Variants in HS6ST3 observed in about 807,000 individuals in gnomAD.
The protein encoded by HS6ST3 is heparan sulfate 6-O-sulfotransferase 3, also known as heparan-sulfate 6-O-sulfotransferase 3.
A neutral mutation model predicts 36.7 loss-of-function variants in HS6ST3; 12 were observed. The observed-to-expected ratio is 0.33, with a 90% CI of 0.21 to 0.53. The LOEUF is 0.53. HS6ST3 is among the 20% of genes least tolerant of loss of function. The probability of loss-of-function intolerance (pLI) is 0.95; values close to 1 mark genes in which losing one functional copy is unlikely to be tolerated. For missense variants in HS6ST3, 584 were observed against 640.9 expected (o/e 0.91, Z 0.96); for synonymous variants, 240 against 257.5 (o/e 0.93, Z 0.65).
chr13:96,766,068 G>A (rs1452570402), intron 1 of HS6ST3, among the ~76,000 whole-genome samples: 2 of 152,080 alleles, frequency 1.3e-5, no homozygotes, highest in East Asian at 3.9e-4. Context: ...CCCTTTTGTA[G>A]CCCTGGGTTG....
chr13:96,175,842 T>A (rs2054210420), intron 1 of HS6ST3, among the ~76,000 whole-genome samples: 1 of 152,082 alleles, frequency 6.6e-6, no homozygotes, highest in South Asian at 2.1e-4. Context: ...TTTCTTTTTT[T>A]TTTTCTTTTT....
At chr13:96,367,835 T>A (rs1478028803) in intron 1 of HS6ST3, among the ~76,000 whole-genome samples, 1 of 152,186 alleles carries the variant, frequency 6.6e-6, no homozygotes, top group Non-Finnish European at 1.5e-5. Context: ...CCTAATCTAT[T>A]TGCCAGCTGC....
intron 1 of HS6ST3, among the ~76,000 whole-genome samples, chr13:96,551,264 T>G (rs2056218418): frequency 6.6e-6 from 1 of 152,204 alleles, no homozygotes; most frequent in Admixed American, 6.6e-5. Flanking sequence ...AATAAAATGT[T>G]ACCTTTGAAA....
At chr13:96,812,013 TC>T (rs921617459) in intron 1 of HS6ST3, among the ~76,000 whole-genome samples, 53 of 152,260 alleles carry the variant, frequency 3.5e-4, no homozygotes, top group Middle Eastern at 6.8e-3. Flanking sequence ...GATGTATTCT[TC>T]ACTACACTTT....
chr13:96,702,648 T>C (rs1422126593), intron 1 of HS6ST3, among the ~76,000 whole-genome samples: 1 of 152,224 alleles, frequency 6.6e-6, no homozygotes, highest in Non-Finnish European at 1.5e-5. Flanking sequence ...AGTGAATTGC[T>C]TGCAGGTACA....
intron 1 of HS6ST3, among the ~76,000 whole-genome samples, chr13:96,329,357 G>A (rs111523496): frequency 0.012 from 1,474 of 126,764 alleles, 45 homozygotes; most frequent in African/African-American, 0.044. Flanking sequence ...CTTTGAATGC[G>A]TCCCAGAGAT....
chr13:96,758,377 G>A (rs1046237817), intron 1 of HS6ST3, among the ~76,000 whole-genome samples: 1 of 151,750 alleles, frequency 6.6e-6, no homozygotes, highest in African/African-American at 2.4e-5. Flanking sequence ...CCAAATTTTA[G>A]CTTACTTAAT....
chr13:96,664,953 C>G (rs145462365), intron 1 of HS6ST3, among the ~76,000 whole-genome samples: 19 of 152,238 alleles, frequency 1.2e-4, no homozygotes, highest in African/African-American at 4.6e-4. Flanking sequence ...AGGAGGATTG[C>G]TTGAGTTCAA....
intron 1 of HS6ST3, among the ~76,000 whole-genome samples, chr13:96,101,996 A>G (rs533312436): frequency 6.6e-6 from 1 of 152,312 alleles, no homozygotes; most frequent in African/African-American, 2.4e-5. Context: ...TCTGCTGGCT[A>G]TGAAAGTTAT....
At chr13:96,760,600 A>T (rs1876945829) in intron 1 of HS6ST3, among the ~76,000 whole-genome samples, 1 of 152,152 alleles carries the variant, frequency 6.6e-6, no homozygotes, top group African/African-American at 2.4e-5. Context: ...AATTTTATTC[A>T]CTGTAGTACC....
chr13:96,304,711 C>CTTTCTTTCTTTCTTTTTTT (rs766397124), intron 1 of HS6ST3, among the ~76,000 whole-genome samples: 3 of 89,338 alleles, frequency 3.4e-5, no homozygotes, highest in Admixed American at 1.2e-4. Flanking sequence ...TTCTTTCTTT[C>CTTTCTTTCTTTCTTTTTTT]TTTTTTTTTT....
chr13:96,330,544 A>G (rs1169101149), intron 1 of HS6ST3, among the ~76,000 whole-genome samples: 1 of 152,152 alleles, frequency 6.6e-6, no homozygotes, highest in African/African-American at 2.4e-5. Flanking sequence ...GTTTCTGCTG[A>G]GAGATCTGCT....
chr13:96,689,658 AT>A (rs1458437535), intron 1 of HS6ST3, among the ~76,000 whole-genome samples: 1 of 142,880 alleles, frequency 7.0e-6, no homozygotes, highest in Non-Finnish European at 1.5e-5. Flanking sequence ...GAAAATAAGA[AT>A]ACCTGCTTTA....
intron 1 of HS6ST3, among the ~76,000 whole-genome samples, chr13:96,454,475 A>G (rs75508926): frequency 2.4e-4 from 37 of 152,286 alleles, no homozygotes; most frequent in East Asian, 1.7e-3. Flanking sequence ...TTTATCTCCA[A>G]TTACCATGCG....
At chr13:96,366,607 T>C (rs893109682) in intron 1 of HS6ST3, among the ~76,000 whole-genome samples, 5 of 152,094 alleles carry the variant, frequency 3.3e-5, no homozygotes, top group African/African-American at 4.8e-5. Context: ...AGGGTGTTTC[T>C]AAAAATCCCC....
intron 1 of HS6ST3, among the ~76,000 whole-genome samples, chr13:96,796,722 G>A (rs958096587): frequency 1.3e-5 from 2 of 152,064 alleles, no homozygotes; most frequent in African/African-American, 4.8e-5. Context: ...TAGGGTACGT[G>A]AAAGTACCAA....
intron 1 of HS6ST3, among the ~76,000 whole-genome samples, chr13:96,355,398 C>CAT (rs1435227310): frequency 2.8e-5 from 3 of 107,806 alleles, no homozygotes; most frequent in African/African-American, 1.2e-4. Context: ...CACACACACA[C>CAT]ACACAAACAC....
At chr13:96,491,472 C>CCAAA (rs11408188) in intron 1 of HS6ST3, among the ~76,000 whole-genome samples, 2 of 123,724 alleles carry the variant, frequency 1.6e-5, no homozygotes. Context: ...TACTAATGTG[C>CCAAA]AAAAAAAAAA....
At chr13:96,540,130 A>G (rs2056172220) in intron 1 of HS6ST3, among the ~76,000 whole-genome samples, 1 of 152,142 alleles carries the variant, frequency 6.6e-6, no homozygotes, top group Non-Finnish European at 1.5e-5. Flanking sequence ...TTACCAGATA[A>G]AGTTTTGAAT....
Sources: allele counts gnomAD v4.1 joint callset (sites outside exome capture counted in the v4.1 genomes callset), GRCh38; gene constraint gnomAD v4.1.1; transcripts MANE v1.5; gene names NCBI Gene and HGNC (gene_info 2026-07-23, HGNC 2026-07-21).